Variants in ANKFN1 observed in about 807,000 individuals in gnomAD.
ANKFN1 encodes the protein ankyrin repeat and fibronectin type-III domain-containing protein 1.
Under a neutral mutation model 108.7 loss-of-function variants are expected in ANKFN1, and 74 were observed. The observed-to-expected ratio is 0.68, with a 90% CI of 0.56 to 0.83. The LOEUF (loss-of-function observed/expected upper bound fraction) is 0.83, where lower values mean the gene tolerates loss of function less well. ANKFN1 is among the 40% of genes least tolerant of loss of function. The probability of loss-of-function intolerance (pLI) is 0.00; values close to 1 mark genes in which losing one functional copy is unlikely to be tolerated. For missense variants in ANKFN1, 1,505 were observed against 1,382.3 expected (o/e 1.09, Z -1.41); for synonymous variants, 547 against 516.2 (o/e 1.06, Z -0.81).
chr17:56,394,411 T>G (rs73991503), intron 8 of ANKFN1, among the ~76,000 whole-genome samples: 2,185 of 152,302 alleles, frequency 0.014, 46 homozygotes, highest in African/African-American at 0.05. Flanking sequence ...CATGAAGCCT[T>G]GGCGGAGATG....
intron 8 of ANKFN1, among the ~76,000 whole-genome samples, chr17:56,403,241 T>C (rs1162147628): frequency 6.6e-6 from 1 of 152,160 alleles, no homozygotes; most frequent in Non-Finnish European, 1.5e-5. Flanking sequence ...TTTAAATTCA[T>C]TGTTTCTTTA....
At chr17:56,080,782 T>C (rs191157985) in intron 4 of ANKFN1, among the ~76,000 whole-genome samples, 2 of 152,236 alleles carry the variant, frequency 1.3e-5, no homozygotes, top group Non-Finnish European at 2.9e-5. Flanking sequence ...TATGTTTTCA[T>C]AGAGACATAG....
At chr17:56,400,814 A>G (rs1438212533) in intron 8 of ANKFN1, among the ~76,000 whole-genome samples, 1 of 152,154 alleles carries the variant, frequency 6.6e-6, no homozygotes, top group Non-Finnish European at 1.5e-5. Flanking sequence ...GTGGCTAGCC[A>G]ATTATCCCAG....
chr17:56,458,192 G>A (rs2049779188), intron 14 of ANKFN1, among the ~76,000 whole-genome samples: 2 of 152,114 alleles, frequency 1.3e-5, no homozygotes, highest in Admixed American at 1.3e-4. Context: ...TCCTCCAAGT[G>A]AGTCTCTCTT....
At chr17:56,085,359 GAAC>G (rs1905298748) in intron 4 of ANKFN1, among the ~76,000 whole-genome samples, 1 of 150,648 alleles carries the variant, frequency 6.6e-6, no homozygotes, top group African/African-American at 2.4e-5. Flanking sequence ...GCAGAGGAGA[GAAC>G]AACATAGGAA....
At chr17:56,323,844 T>G (rs997202717) in intron 3 of ANKFN1, among the ~76,000 whole-genome samples, 4 of 152,186 alleles carry the variant, frequency 2.6e-5, no homozygotes, top group Admixed American at 6.5e-5. Flanking sequence ...CTTAAACTCT[T>G]ACAATATAAT....
intron 1 of ANKFN1, among the ~76,000 whole-genome samples, chr17:56,180,071 G>A (rs1911541570): frequency 2.0e-5 from 3 of 152,304 alleles, no homozygotes; most frequent in African/African-American, 7.2e-5. Flanking sequence ...AGTGATTTCT[G>A]GGGGATGCAT....
chr17:56,310,877 C>T (rs914249726), intron 3 of ANKFN1, among the ~76,000 whole-genome samples: 1 of 151,898 alleles, frequency 6.6e-6, no homozygotes, highest in African/African-American at 2.4e-5. Context: ...CTTATTCAGC[C>T]TGTGTAACGG....
chr17:56,463,382 T>A (rs773893717), intron 14 of ANKFN1, among the ~76,000 whole-genome samples: 71 of 152,248 alleles, frequency 4.7e-4, no homozygotes, highest in Middle Eastern at 6.8e-3. Context: ...TACTGTGTAG[T>A]AATTTACAAA....
chr17:56,425,097 A>T (rs1445388434), intron 8 of ANKFN1, among the ~76,000 whole-genome samples: 1 of 151,532 alleles, frequency 6.6e-6, no homozygotes, highest in Non-Finnish European at 1.5e-5. Context: ...GGAAATTTTT[A>T]AGTATACACT....
intron 4 of ANKFN1, among the ~76,000 whole-genome samples, chr17:56,087,746 A>G (rs1905342856): frequency 6.6e-6 from 1 of 151,332 alleles, no homozygotes; most frequent in Admixed American, 6.6e-5. Flanking sequence ...TGTTTTTATA[A>G]ATAAAGTTTT....
chr17:56,461,452 G>A (rs949740891), intron 14 of ANKFN1, among the ~76,000 whole-genome samples: 31 of 152,100 alleles, frequency 2.0e-4, no homozygotes, highest in African/African-American at 7.5e-4. Flanking sequence ...CAACTTGCTG[G>A]TCTTTCTCCG....
intron 10 of ANKFN1, 122 bp from the exon 11 acceptor site, chr17:56,448,957 G>T: frequency 1.4e-6 from 1 of 693,094 alleles, no homozygotes; most frequent in Non-Finnish European, 2.5e-6. Context: ...CTCTGCATGT[G>T]CGGGGTGCTC....
At chr17:56,405,057 G>A (rs1567976564) in intron 8 of ANKFN1, among the ~76,000 whole-genome samples, 2 of 152,216 alleles carry the variant, frequency 1.3e-5, no homozygotes, top group South Asian at 4.1e-4. Flanking sequence ...TGTTCCAGTG[G>A]AGGTGGTGGT....
intron 3 of ANKFN1, among the ~76,000 whole-genome samples, chr17:56,260,822 G>T (rs1250082293): frequency 6.6e-6 from 1 of 152,130 alleles, no homozygotes; most frequent in African/African-American, 2.4e-5. Flanking sequence ...AGGTCCAAAC[G>T]ATGTCACCTG....
At chr17:56,219,625 C>T (rs766294386) in intron 2 of ANKFN1, among the ~76,000 whole-genome samples, 1 of 152,130 alleles carries the variant, frequency 6.6e-6, no homozygotes, top group Non-Finnish European at 1.5e-5. Context: ...TCTGAGAATG[C>T]CATGTTTAAG....
intron 3 of ANKFN1, among the ~76,000 whole-genome samples, chr17:56,302,532 A>AAAAG (rs1555625445): frequency 2.8e-5 from 4 of 142,654 alleles, no homozygotes; most frequent in African/African-American, 5.1e-5. Flanking sequence ...AAAAAAAAAA[A>AAAAG]AGAGAGAGAG....
chr17:56,216,757 G>T (rs1341397023), intron 2 of ANKFN1, among the ~76,000 whole-genome samples: 1 of 152,184 alleles, frequency 6.6e-6, no homozygotes, highest in Non-Finnish European at 1.5e-5. Context: ...GCCTCAGGTG[G>T]AGGACCCCAC....
chr17:56,450,431 G>C (rs1264385547), intron 11 of ANKFN1, among the ~76,000 whole-genome samples: 1 of 152,222 alleles, frequency 6.6e-6, no homozygotes, highest in South Asian at 2.1e-4. Flanking sequence ...ATGAGGACAA[G>C]TGTTTGGAAG....
Sources: allele counts gnomAD v4.1 joint callset (sites outside exome capture counted in the v4.1 genomes callset), GRCh38; gene constraint gnomAD v4.1.1; transcripts MANE v1.5; gene names NCBI Gene and HGNC (gene_info 2026-07-23, HGNC 2026-07-21).